Variants in FRY observed in about 807,000 individuals in gnomAD.
The protein encoded by FRY is protein furry homolog.
In FRY, 128 loss-of-function variants were observed where a neutral mutation model predicts 348.4. The ratio of observed to expected loss-of-function variants is 0.37; its 90% CI spans 0.32 to 0.43. The LOEUF is 0.43. FRY is among the 20% of genes least tolerant of loss of function. The pLI is 1.00. For missense variants in FRY, 2,736 were observed against 3,695.2 expected, an observed-to-expected ratio of 0.74 and a Z score of 6.73; for synonymous variants, 1,370 against 1,374.7, an observed-to-expected ratio of 1.00 and a Z score of 0.08.
intron 16 of FRY, among the ~76,000 whole-genome samples, chr13:32,160,462 A>G (rs887889912): frequency 3.3e-5 from 5 of 152,236 alleles, no homozygotes; most frequent in Non-Finnish European, 5.9e-5. Context: ...AACACAAAAT[A>G]TATATTTCTC....
At chr13:32,224,097 C>CA in intron 36 of FRY, 138 bp from the exon 37 acceptor site, 2 of 672,460 alleles carry the variant, frequency 3.0e-6, no homozygotes, top group Non-Finnish European at 4.7e-6. Flanking sequence ...GACCCTGTCC[C>CA]TAAAAAAAAT....
intron 11 of FRY, among the ~76,000 whole-genome samples, chr13:32,138,717 T>A (rs1307186574): frequency 6.6e-6 from 1 of 152,112 alleles, no homozygotes; most frequent in Non-Finnish European, 1.5e-5. Context: ...AGCAGGGACT[T>A]ATGTAGTGTC....
chr13:32,072,192 G>T (rs1385289652), intron 1 of FRY, among the ~76,000 whole-genome samples: 1 of 152,150 alleles, frequency 6.6e-6, no homozygotes, highest in African/African-American at 2.4e-5. Context: ...GTAAGTGAAA[G>T]GAGGAATGTA....
rs1399862239 is a variant in FRY at position 32,249,593 on chromosome 13, C to T, written c.7076C>T (p.Ala2359Val). ...NSSGRDGKPR[A>V]MAVTRSTSST... ...TCTGGGCGTGATGGGAAGCCCAGGG[C>T]CATGGCCGTCACCCGGAGCACATCT... The change falls in exon 49 of 61, where the codon GCC (alanine) becomes GTC (valine). Residue 2359 changes from alanine (A) to valine (V), a missense_variant. Transcript: ENST00000542859. The T allele has an allele frequency of 6.2e-7, 1 of 1,614,030 alleles. No individual in the cohort carries two copies. Among genetic ancestry groups the T allele is most frequent in the South Asian group, 1.1e-5 (1 of 91,080 alleles).
chr13:32,278,540 G>A lies in FRY; in HGVS notation c.8461G>A (p.Glu2821Lys), dbSNP rs746295815. The part of the protein sequence containing the change: ...GVITCQPGDS[E>K]EKQLELCQRL... ...AATTACCTGTCAACCAGGGGACTCCGAAGAAAAGGTAATAAAAGCCTGTTA... is the reference window on the plus strand; with the variant it reads ...AATTACCTGTCAACCAGGGGACTCCAAAGAAAAGGTAATAAAAGCCTGTTA... The change falls in exon 58 of 61, where the codon GAA (glutamate) becomes AAA (lysine). Residue 2821 changes from glutamate to lysine, a missense_variant. By Grantham distance (56) the Glu-to-Lys change is moderately conservative (BLOSUM62 1). This residue lies in a region of FRY where 789 missense variants were observed against 996.2 expected (regional missense o/e 0.79). Coordinates refer to ENST00000542859, the MANE Select transcript of FRY (RefSeq NM_023037.3). 14 of 1,536,726 alleles carry A rather than the reference G, an allele frequency of 9.1e-6. No individual in the cohort carries two copies. The highest frequency in any genetic ancestry group is 5.0e-5 in the Admixed American group (3 of 59,904).
At chr13:32,123,846 T>TG (rs1878843652) in intron 4 of FRY, among the ~76,000 whole-genome samples, 3 of 152,108 alleles carry the variant, frequency 2.0e-5, no homozygotes, top group Non-Finnish European at 4.4e-5. Context: ...TTGTTGTTGT[T>TG]TTGAGATGGA....
At chr13:32,126,451 T>C (rs1264434749) in intron 7 of FRY, among the ~76,000 whole-genome samples, 1 of 152,236 alleles carries the variant, frequency 6.6e-6, no homozygotes. Context: ...GTAAGATTTA[T>C]GGTCCACCAA....
intron 1 of FRY, among the ~76,000 whole-genome samples, chr13:32,057,846 G>C (rs965694190): frequency 6.6e-6 from 1 of 152,138 alleles, no homozygotes; most frequent in Non-Finnish European, 1.5e-5. Context: ...TGTAGTCCCA[G>C]CTACTCGGGA....
Position 32,124,639 on chromosome 13 carries a change from A to G in FRY, c.593A>G (p.Asp198Gly). The change falls in exon 6 of 61, where the codon GAT becomes GGT. Residue 198 changes from aspartate (D) to glycine (G), a missense_variant. This residue lies in a region of FRY where 309 missense variants were observed against 418.1 expected (regional missense o/e 0.74). Coordinates refer to ENST00000542859, the MANE Select transcript of FRY (RefSeq NM_023037.3). ...LHPVIDSLIH[D>G]VINLAFKHFK... Reference sequence around the variant, plus strand: ...CCTGTAATAGACAGTTTAATACATGATGTTATTAACTTGGCTTTCAAGCAC... The same window carrying G: ...CCTGTAATAGACAGTTTAATACATGGTGTTATTAACTTGGCTTTCAAGCAC... 6.3e-7 allele frequency: 1 copy of G among 1,599,142 alleles called. No individual in the cohort carries two copies. Among genetic ancestry groups the G allele is most frequent in the African/African-American group, 1.3e-5 (1 of 74,724 alleles).
chr13:32,244,298 TC>T, intron 47 of FRY, 116 bp downstream of exon 47: 1 of 933,650 alleles, frequency 1.1e-6, no homozygotes, highest in South Asian at 1.3e-5. Flanking sequence ...TTCCTTGACA[TC>T]CATGGCACAG....
At chr13:32,083,619 G>A (rs1344098) in intron 2 of FRY, among the ~76,000 whole-genome samples, 3,983 of 152,166 alleles carry the variant, frequency 0.026, 61 homozygotes, top group Middle Eastern at 0.068. Flanking sequence ...ATTGCTGTCC[G>A]GGGCCAAATA....
intron 35 of FRY, among the ~76,000 whole-genome samples, chr13:32,217,662 G>C (rs1885073481): frequency 6.6e-6 from 1 of 152,202 alleles, no homozygotes; most frequent in South Asian, 2.1e-4. Context: ...GCATGGCACT[G>C]AAGGCCTCCT....
At chr13:32,202,324 T>C in intron 30 of FRY, 32 bp from the exon 31 acceptor site, 1 of 1,551,468 alleles carries the variant, frequency 6.4e-7, no homozygotes, top group Non-Finnish European at 8.9e-7. Context: ...ATGCTTTTCA[T>C]ACTACTTTTT....
Position 32,276,366 on chromosome 13 carries a change from C to A in FRY, c.8287-98C>A, listed in dbSNP as rs1566189519. 1.6e-5 allele frequency: 12 copies of A among 770,442 alleles called. No homozygotes were observed. In the East Asian group the frequency reaches 2.5e-4, roughly 16 times the overall value. 47.7% of individuals were successfully genotyped at this position (770,442 alleles called of 1,614,324 possible). ...ATTAAAATGGATGACACTTGTACCC[C>A]TTAACAGCACTTCTAAATATACTTC... On this transcript the variant is annotated intron_variant, in intron 56 of 60. Transcript: ENST00000542859.
intron 36 of FRY, among the ~76,000 whole-genome samples, chr13:32,219,531 G>C (rs1167360512): frequency 2.6e-5 from 4 of 151,094 alleles, no homozygotes; most frequent in Non-Finnish European, 5.9e-5. Context: ...GGCCGAGGCG[G>C]GTGGATCACG....
At chr13:32,222,739 G>A (rs1380968291) in intron 36 of FRY, among the ~76,000 whole-genome samples, 1 of 152,188 alleles carries the variant, frequency 6.6e-6, no homozygotes, top group Admixed American at 6.5e-5. Context: ...CTACAAAATG[G>A]GGATAAAATA....
intron 31 of FRY, among the ~76,000 whole-genome samples, chr13:32,207,852 C>T (rs549202116): frequency 1.3e-4 from 20 of 152,264 alleles, no homozygotes; most frequent in Non-Finnish European, 2.6e-4. Context: ...GCCCTCTAAG[C>T]GAGATTGCAT....
At chr13:32,238,471 T>G (rs1248646857) in intron 44 of FRY, among the ~76,000 whole-genome samples, 1 of 152,030 alleles carries the variant, frequency 6.6e-6, no homozygotes. Context: ...TTTTGTTTTT[T>G]GAGACAGAGT....
In FRY at chr13:32,262,464, G is replaced by A. The variant is rs751570265; in HGVS notation, c.7768G>A (p.Glu2590Lys). The change falls in exon 53 of 61, where the codon GAG becomes AAG. Residue 2590 changes from glutamate (E) to lysine (K), a missense_variant. Physicochemically the swap from Glu to Lys is moderately conservative, Grantham distance 56. Coordinates refer to ENST00000542859, the MANE Select transcript of FRY (RefSeq NM_023037.3). ...LPDMNNLQIS[E>K]GSKAEAVREE... ...TGATATGAATAATCTGCAGATTTCT[G>A]AGGGTTCAAAGGTGAAGAGATTTTA... The A allele has an allele frequency of 6.2e-7, 1 of 1,612,952 alleles. No homozygotes were observed. The highest frequency in any genetic ancestry group is 1.1e-5 in the South Asian group (1 of 91,042).
Sources: gnomAD v4.1 joint callset for allele counts (sites outside exome capture counted in the v4.1 genomes callset) on GRCh38, gnomAD v4.1.1 for gene constraint, gnomAD v4.1.1 regional missense constraint, MANE v1.5 for transcripts, NCBI Gene and HGNC (gene_info 2026-07-23, HGNC 2026-07-21) for gene names.